The following ZGRF1 variants were observed in gnomAD, a reference collection of about 807,000 sequenced individuals.
The protein encoded by ZGRF1 is zinc finger GRF-type containing 1.
ZGRF1 carries 196 observed loss-of-function variants against 203.5 expected under a neutral mutation model. The ratio of observed to expected loss-of-function variants is 0.96; its 90% confidence interval spans 0.86 to 1.08. The LOEUF (loss-of-function observed/expected upper bound fraction) is 1.08. Among genes scored for constraint, ZGRF1 ranks in the 50% least tolerant of loss-of-function variants. The probability of loss-of-function intolerance (pLI) is 0.00; values close to 1 mark genes in which losing one functional copy is unlikely to be tolerated. For synonymous variants in ZGRF1, 809 were observed against 841.3 expected (o/e 0.96, Z 0.66); for missense variants, 2,326 against 2,416.3 (o/e 0.96, Z 0.78).
intron 22 of ZGRF1, among the ~76,000 whole-genome samples, chr4:112,553,335 C>T (rs184780405): frequency 1.1e-4 from 17 of 152,314 alleles, no homozygotes; most frequent in Admixed American, 8.5e-4. Context: ...ATCTTGTGTG[C>T]TTAGTCTTGG....
chr4:112,602,754 A>C (rs558415704), intron 10 of ZGRF1, among the ~76,000 whole-genome samples: 88 of 152,352 alleles, frequency 5.8e-4, no homozygotes, highest in African/African-American at 1.8e-3. Flanking sequence ...TGAATTTCAG[A>C]ATTGCAATAT....
Position 112,617,869 on chromosome 4 carries a change from C to A in ZGRF1, c.2173G>T (p.Glu725Ter). 1 of 1,613,880 alleles carries A rather than the reference C, an allele frequency of 6.2e-7. No individual in the cohort carries two copies. Among genetic ancestry groups the A allele is most frequent in the Non-Finnish European group, 8.5e-7 (1 of 1,179,958 alleles). ...ILGSDLDKND[E>*]HVLPSTSSSD... ...CTAGAAGTTGAGGGTAAAACATGTTCATCATTTTTGTCTAAGTCACTTCCC... is the reference window on the plus strand; with the variant it reads ...CTAGAAGTTGAGGGTAAAACATGTTAATCATTTTTGTCTAAGTCACTTCCC... The change falls in exon 6 of 28, where the codon GAA becomes TAA. Residue 725 changes from glutamate to a stop codon, truncating the protein, a stop_gained. Transcript: ENST00000505019. LOFTEE classifies it high-confidence loss of function.
At chr4:112,623,915 C>T (rs2047143973) in intron 3 of ZGRF1, 39 bp from the exon 4 acceptor site, 2 of 1,054,256 alleles carry the variant, frequency 1.9e-6, no homozygotes, top group East Asian at 4.8e-5. Context: ...AGGAACAACA[C>T]AATTATGCTT....
intron 14 of ZGRF1, 98 bp downstream of exon 14, chr4:112,585,443 T>C: frequency 1.1e-6 from 1 of 903,152 alleles, no homozygotes; most frequent in Non-Finnish European, 1.6e-6. Flanking sequence ...AAGCTCTTAA[T>C]CAAGACTCAC....
At chr4:112,562,592 C>T in intron 17 of ZGRF1, 107 bp from the exon 18 acceptor site, 1 of 688,322 alleles carries the variant, frequency 1.5e-6, no homozygotes, top group Non-Finnish European at 2.6e-6. Context: ...GAATTAAGCA[C>T]ATGACATAAA....
intron 20 of ZGRF1, among the ~76,000 whole-genome samples, chr4:112,556,100 C>T (rs1390831799): frequency 6.6e-6 from 1 of 151,702 alleles, no homozygotes; most frequent in African/African-American, 2.4e-5. Context: ...ACAACGTTGT[C>T]CTCAGCCACT....
At chr4:112,575,602 C>T (rs1171120502) in intron 16 of ZGRF1, among the ~76,000 whole-genome samples, 1 of 152,226 alleles carries the variant, frequency 6.6e-6, no homozygotes, top group Non-Finnish European at 1.5e-5. Context: ...TTCCAACAGT[C>T]TTAGCAAACA....
chr4:112,552,342 T>C (rs1443022189), intron 22 of ZGRF1, among the ~76,000 whole-genome samples: 2 of 151,360 alleles, frequency 1.3e-5, no homozygotes, highest in Non-Finnish European at 2.9e-5. Context: ...CTTAGAAATA[T>C]GTCAGAGAAA....
chr4:112,632,998 T>G (rs2047461383), intron 2 of ZGRF1, among the ~76,000 whole-genome samples, 158 bp downstream of exon 2: 1 of 152,234 alleles, frequency 6.6e-6, no homozygotes, highest in Non-Finnish European at 1.5e-5. Flanking sequence ...AAAAAAGGTA[T>G]GCATTGTTTA....
At chr4:112,539,778 G>A (rs1328326250) in intron 27 of ZGRF1, 85 bp downstream of exon 27, 1 of 1,572,288 alleles carries the variant, frequency 6.4e-7, no homozygotes. Flanking sequence ...CAGCAGAGCT[G>A]TTCCTGCTTG....
intron 16 of ZGRF1, among the ~76,000 whole-genome samples, chr4:112,578,490 T>A (rs12508127): frequency 0.24 from 28,562 of 117,198 alleles, 9,171 homozygotes; most frequent in East Asian, 0.69. Context: ...GGAGCTGGTT[T>A]TTTGAAAAGA....
At chr4:112,585,217 C>T (rs1416230400) in intron 14 of ZGRF1, among the ~76,000 whole-genome samples, 1 of 152,146 alleles carries the variant, frequency 6.6e-6, no homozygotes, top group African/African-American at 2.4e-5. Flanking sequence ...CTGCAGTGAG[C>T]TATGATCATG....
chr4:112,550,036 C>G (rs1739615821), intron 22 of ZGRF1, among the ~76,000 whole-genome samples: 1 of 151,882 alleles, frequency 6.6e-6, no homozygotes, highest in South Asian at 2.1e-4. Flanking sequence ...ACTAAACATA[C>G]AAAAAAATTA....
At chr4:112,567,382 ATC>A (rs1743321845) in intron 16 of ZGRF1, among the ~76,000 whole-genome samples, 1 of 152,216 alleles carries the variant, frequency 6.6e-6, no homozygotes, top group Non-Finnish European at 1.5e-5. Flanking sequence ...GGACTATAGA[ATC>A]ATATAGAAAA....
At chr4:112,557,698 A>G (rs1249059859) in intron 20 of ZGRF1, among the ~76,000 whole-genome samples, 3 of 152,212 alleles carry the variant, frequency 2.0e-5, no homozygotes, top group African/African-American at 7.2e-5. Flanking sequence ...CCATTATCTT[A>G]TAACAAGTAA....
At chr4:112,609,663 C>T (rs1578437040) in intron 7 of ZGRF1, among the ~76,000 whole-genome samples, 1 of 151,706 alleles carries the variant, frequency 6.6e-6, no homozygotes, top group South Asian at 2.1e-4. Flanking sequence ...AAAAACTAGC[C>T]GGGTGTGGTG....
At chr4:112,565,657 A>C (rs933421650) in intron 16 of ZGRF1, among the ~76,000 whole-genome samples, 5 of 152,168 alleles carry the variant, frequency 3.3e-5, no homozygotes, top group Non-Finnish European at 7.3e-5. Context: ...TAAGAAAAAA[A>C]CAAACAACCC....
chr4:112,577,889 A>C, intron 16 of ZGRF1, among the ~76,000 whole-genome samples: 1 of 121,988 alleles, frequency 8.2e-6, no homozygotes, highest in African/African-American at 2.9e-5. Flanking sequence ...AAAGTTAACA[A>C]GGATATCCAG....
chr4:112,569,525 G>A (rs1357834157), intron 16 of ZGRF1, among the ~76,000 whole-genome samples: 1 of 152,144 alleles, frequency 6.6e-6, no homozygotes, highest in Non-Finnish European at 1.5e-5. Context: ...TGTCAACTGG[G>A]GGCAGGGCGG....
Sources: allele counts gnomAD v4.1 joint callset (sites outside exome capture counted in the v4.1 genomes callset), GRCh38; gene constraint gnomAD v4.1.1; transcripts MANE v1.5; gene names NCBI Gene and HGNC (gene_info 2026-07-23, HGNC 2026-07-21).